Variants in FSIP2 observed in about 807,000 individuals in gnomAD.
FSIP2 encodes fibrous sheath interacting protein 2.
In FSIP2, 367 loss-of-function variants were observed where a neutral mutation model predicts 510.5. The ratio of observed to expected loss-of-function variants is 0.72; its 90% CI spans 0.66 to 0.78. The LOEUF (loss-of-function observed/expected upper bound fraction) is 0.78, where lower values mean the gene tolerates loss of function less well. Ranked by LOEUF, FSIP2 falls within the 30% of genes least tolerant of loss-of-function variation. The pLI is 0.00. For synonymous variants in FSIP2, 2,601 were observed against 2,732.2 expected (o/e 0.95, Z 1.50); for missense variants, 7,594 against 7,901.7 (o/e 0.96, Z 1.48).
At chr2:185,778,166 A>G (rs1220727713) in intron 13 of FSIP2, among the ~76,000 whole-genome samples, 1 of 152,032 alleles carries the variant, frequency 6.6e-6, no homozygotes, top group African/African-American at 2.4e-5. Flanking sequence ...GAGATTGTTG[A>G]AAAGCAGTAT....
Position 185,801,187 on chromosome 2 carries a change from C to T in FSIP2, c.11881C>T (p.Leu3961=), listed in dbSNP as rs181481124. The change falls in exon 17 of 23, where the codon CTA becomes TTA. Residue 3961 remains leucine, a synonymous_variant. Transcript: ENST00000424728. The part of the protein sequence containing the change: ...EMDKVAIHNK[L]HQEGIYAGVY... ...GGATAAGGTAGCCATTCATAATAAG[C>T]TACATCAGGAAGGTATATATGCTGG... The T allele has an allele frequency of 8.5e-5, 130 of 1,534,102 alleles. No homozygotes were observed. In the African/African-American group the frequency reaches 1.7e-3, roughly 20 times the overall value.
chr2:185,806,514 C>T lies in FSIP2; in HGVS notation c.17208C>T (p.Ser5736=), dbSNP rs1334108516. 6.3e-7 allele frequency: 1 copy of T among 1,599,600 alleles called. No individual in the cohort carries two copies. The stretch of plus-strand genomic sequence containing the variant: ...CTGTTACAACAAAAAAAGTATCCTC[C>T]TCAACTAACAAAAATATCTCTGCCA... The part of the protein sequence containing the change: ...AQSVTTKKVS[S]STNKNISAKE... Residue 5736 remains serine, a synonymous_variant, in exon 17 of 23, where the codon TCC becomes TCT. Coordinates refer to ENST00000424728, the MANE Select transcript of FSIP2 (RefSeq NM_173651.4).
chr2:185,807,564 G>T lies in FSIP2; in HGVS notation c.18258G>T (p.Gln6086His). The T allele has an allele frequency of 6.2e-7, 1 of 1,612,226 alleles. No homozygotes were observed. Among genetic ancestry groups the T allele is most frequent in the Non-Finnish European group, 8.5e-7 (1 of 1,179,002 alleles). The change falls in exon 17 of 23, where the codon CAG (glutamine) becomes CAT (histidine). Residue 6086 changes from glutamine to histidine, a missense_variant. Physicochemically the swap from Gln to His is conservative, Grantham distance 24 (BLOSUM62 0). Coordinates refer to ENST00000424728, the MANE Select transcript of FSIP2 (RefSeq NM_173651.4). Reference protein sequence around the residue: ...DDDEIIQLVVQSVYNNLLPQF... With the variant: ...DDDEIIQLVVHSVYNNLLPQF... The stretch of plus-strand genomic sequence containing the variant: ...ATGAAATTATTCAATTAGTGGTTCA[G>T]TCTGTTTATAATAATCTCTTGCCAC...
intron 17 of FSIP2, among the ~76,000 whole-genome samples, chr2:185,810,979 G>A (rs1365723586): frequency 6.6e-6 from 1 of 151,980 alleles, no homozygotes; most frequent in Non-Finnish European, 1.5e-5. Flanking sequence ...ATGCCCTAGA[G>A]TTCTGTGGAG....
chr2:185,807,134 A>C lies in FSIP2; in HGVS notation c.17828A>C (p.Glu5943Ala). ...SIWKNINSNG[E>A]NLARRLTSAV... Reference sequence around the variant, plus strand: ...TGGAAGAATATAAACAGTAATGGAGAAAATTTAGCAAGAAGACTAACTAGT... The same window carrying C: ...TGGAAGAATATAAACAGTAATGGAGCAAATTTAGCAAGAAGACTAACTAGT... The change falls in exon 17 of 23, where the codon GAA becomes GCA. Residue 5943 changes from glutamate to alanine, a missense_variant. Glu to Ala is a moderately radical substitution (Grantham distance 107). Transcript: ENST00000424728. 6.2e-7 allele frequency: 1 copy of C among 1,601,550 alleles called. No homozygotes were observed. The highest frequency in any genetic ancestry group is 8.5e-7 in the Non-Finnish European group (1 of 1,175,872).
At position 185,793,434 on chromosome 2, in the gene FSIP2, G is replaced by A. The variant is rs1203482795; in HGVS notation, c.6298G>A (p.Asp2100Asn). Residue 2100 changes from aspartate to asparagine, a missense_variant, in exon 16 of 23, where the codon GAT becomes AAT. Asp to Asn is a conservative substitution (Grantham distance 23). Transcript: ENST00000424728. ...IQDTIEGILCDIYEKTLFQNN... is the reference protein window; with the variant it reads ...IQDTIEGILCNIYEKTLFQNN... Reference sequence around the variant, plus strand: ...AGATACCATTGAAGGTATCCTATGTGATATTTATGAAAAAACCCTGTTTCA... The same window carrying A: ...AGATACCATTGAAGGTATCCTATGTAATATTTATGAAAAAACCCTGTTTCA... 6.5e-7 allele frequency: 1 copy of A among 1,534,056 alleles called. No homozygotes were observed. The highest frequency in any genetic ancestry group is 1.2e-5 in the South Asian group (1 of 84,008).
Position 185,802,898 on chromosome 2 carries a change from C to G in FSIP2, c.13592C>G (p.Thr4531Ser). The G allele has an allele frequency of 6.7e-7, 1 of 1,497,084 alleles. No homozygotes were observed. Among genetic ancestry groups the G allele is most frequent in the Non-Finnish European group, 8.8e-7 (1 of 1,131,880 alleles). 92.7% of individuals were successfully genotyped at this position (1,497,084 alleles called of 1,614,324 possible). A position where few individuals can be genotyped will look rare whatever the true frequency, so the allele number is the denominator to read the frequency against. Residue 4531 changes from threonine (T) to serine (S), a missense_variant, in exon 17 of 23, where the codon ACC becomes AGC. Transcript: ENST00000424728. ...EIRFSKEEEETKFIYSEDDIQ... is the reference protein window; with the variant it reads ...EIRFSKEEEESKFIYSEDDIQ... ...CGATTTTCAAAAGAGGAAGAAGAAA[C>G]CAAGTTTATTTATTCAGAAGATGAT...
intron 14 of FSIP2, among the ~76,000 whole-genome samples, chr2:185,785,200 A>G (rs1255865935): frequency 1.3e-5 from 2 of 152,102 alleles, no homozygotes; most frequent in Non-Finnish European, 1.5e-5. Context: ...TTGACCTAAG[A>G]AACCAGATCT....
Position 185,795,531 on chromosome 2 carries a change from C to T in FSIP2, c.8395C>T (p.Leu2799Phe). 6.5e-7 allele frequency: 1 copy of T among 1,534,722 alleles called. No homozygotes were observed. Among genetic ancestry groups the T allele is most frequent in the Non-Finnish European group, 8.7e-7 (1 of 1,145,958 alleles). ...GGCTTACCCGATGAAATCCTCACAT[C>T]TCAGACTTTCACAGGGGAATATAGG... ...NLAYPMKSSH[L>F]RLSQGNIGTG... Residue 2799 changes from leucine (L) to phenylalanine (F), a missense_variant, in exon 16 of 23, where the codon CTC becomes TTC. Coordinates refer to ENST00000424728, the MANE Select transcript of FSIP2 (RefSeq NM_173651.4).
Position 185,806,523 on chromosome 2 carries a change from C to T in FSIP2, c.17217C>T (p.Asn5739=), listed in dbSNP as rs575724300. ...CAAAAAAAGTATCCTCCTCAACTAA[C>T]AAAAATATCTCTGCCAAAGAAAAAG... The part of the protein sequence containing the change: ...VTTKKVSSST[N]KNISAKEKEE... The change falls in exon 17 of 23, where the codon AAC becomes AAT. Residue 5739 remains asparagine (N), a synonymous_variant. Transcript: ENST00000424728. The T allele has an allele frequency of 1.4e-5, 23 of 1,597,716 alleles. No homozygotes were observed. Among genetic ancestry groups the T allele is most frequent in the Non-Finnish European group, 1.9e-5 (22 of 1,175,234 alleles).
rs1348323625 is a variant in FSIP2, at chr2:185,790,145, T to A, written c.3009T>A (p.Asp1003Glu). 4.2e-5 allele frequency: 65 copies of A among 1,533,262 alleles called. No individual in the cohort carries two copies. The Admixed American group carries it at 7.5e-4, about 18-fold the overall frequency. The allele number at this position is 1,533,262 out of a possible 1,614,324, so 95.0% of individuals were successfully genotyped here. The change falls in exon 16 of 23, where the codon GAT (aspartate) becomes GAA (glutamate). Residue 1003 changes from aspartate (D) to glutamate (E), a missense_variant. Asp to Glu is a conservative substitution (Grantham distance 45, BLOSUM62 2). Coordinates refer to ENST00000424728, the MANE Select transcript of FSIP2 (RefSeq NM_173651.4). ...CAGGCATGGTTCTTTATTCTGATGA[T>A]GAAAATGAGGAAATAGACAATATTG... is the stretch of plus-strand genomic sequence containing the variant. The part of the protein sequence containing the change: ...NVPGMVLYSD[D>E]ENEEIDNIVK...
rs1250423088 is a variant in FSIP2 at position 185,794,552 on chromosome 2, T to A, written c.7416T>A (p.Asn2472Lys). Residue 2472 changes from asparagine to lysine, a missense_variant, in exon 16 of 23, where the codon AAT becomes AAA. By Grantham distance (94) the Asn-to-Lys change is moderately conservative. Transcript: ENST00000424728. The stretch of plus-strand genomic sequence containing the variant: ...TTTTGGAAGAAATATTTATGAGAAA[T>A]GGAGAATCAAAAAACAAAGAAAAAG... ...IIVLEEIFMR[N>K]GESKNKEKGE... is the part of the protein sequence containing the mutation. The A allele has an allele frequency of 6.5e-7, 1 of 1,530,766 alleles. No individual in the cohort carries two copies. Among genetic ancestry groups the A allele is most frequent in the Non-Finnish European group, 8.7e-7 (1 of 1,144,678 alleles). 94.8% of individuals were successfully genotyped at this position (1,530,766 alleles called of 1,614,324 possible).
Position 185,793,367 on chromosome 2 carries a change from C to T in FSIP2, c.6231C>T (p.Leu2077=). ...AAAAAGGTGTTATTGAAAAGCTGCTCAATGAGACCAAATATCGAAAAGTAC... is the reference window on the plus strand; with the variant it reads ...AAAAAGGTGTTATTGAAAAGCTGCTTAATGAGACCAAATATCGAAAAGTAC... ...DQQKGVIEKL[L]NETKYRKVLQ... The change falls in exon 16 of 23, where the codon CTC becomes CTT. Residue 2077 remains leucine (L), a synonymous_variant. Coordinates refer to ENST00000424728, the MANE Select transcript of FSIP2 (RefSeq NM_173651.4). 1 of 1,533,852 alleles carries T rather than the reference C, an allele frequency of 6.5e-7. No individual in the cohort carries two copies.
At position 185,790,739 on chromosome 2, in the gene FSIP2, C is replaced by T; in HGVS notation, c.3603C>T (p.Ser1201=). 6.5e-7 allele frequency: 1 copy of T among 1,532,860 alleles called. No individual in the cohort carries two copies. The highest frequency in any genetic ancestry group is 8.7e-7 in the Non-Finnish European group (1 of 1,144,638). 95.0% of individuals were successfully genotyped at this position (1,532,860 alleles called of 1,614,324 possible). A position where few individuals can be genotyped will look rare whatever the true frequency, so the allele number is the denominator to read the frequency against. ...SSISSSVHQI[S]LHNSDTEHIV... The stretch of plus-strand genomic sequence containing the variant: ...TTTCATCATCAGTTCATCAGATTTC[C>T]TTACATAATTCTGACACTGAACACA... Residue 1201 remains serine (S), a synonymous_variant, in exon 16 of 23, where the codon TCC becomes TCT. Transcript: ENST00000424728.
chr2:185,763,849 T>C (rs917975705), intron 12 of FSIP2, among the ~76,000 whole-genome samples: 7 of 151,630 alleles, frequency 4.6e-5, no homozygotes, highest in Admixed American at 2.0e-4. Flanking sequence ...TGTCCTAGAA[T>C]GCATAATAAT....
chr2:185,793,872 T>C lies in FSIP2; in HGVS notation c.6736T>C (p.Cys2246Arg). The change falls in exon 16 of 23, where the codon TGT (cysteine) becomes CGT (arginine). Residue 2246 changes from cysteine to arginine, a missense_variant. Physicochemically the swap from Cys to Arg is radical, Grantham distance 180 (BLOSUM62 -3). Transcript: ENST00000424728. ...CACTCAGAAATCTGCTACTGACTCA[T>C]GTGAGGAAAATGCTAACTTCATTAC... ...EDTQKSATDS[C>R]EENANFITKT... 6.5e-7 allele frequency: 1 copy of C among 1,531,490 alleles called. No individual in the cohort carries two copies. The highest frequency in any genetic ancestry group is 8.7e-7 in the Non-Finnish European group (1 of 1,144,410). 94.9% of individuals were successfully genotyped at this position (1,531,490 alleles called of 1,614,324 possible).
At chr2:185,761,191 A>G (rs2105556851) in intron 10 of FSIP2, 88 bp downstream of exon 10, 1 of 488,930 alleles carries the variant, frequency 2.0e-6, no homozygotes, top group East Asian at 3.3e-5. Context: ...CTTCAGCAGC[A>G]TAGTACTGAT....
chr2:185,806,685 G>A lies in FSIP2; in HGVS notation c.17379G>A (p.Glu5793=). ...PAKFLEDVIT[E]MVKQLIFSSI... is the part of the protein sequence containing the mutation. ...AGTTTTTAGAAGATGTTATTACTGA[G>A]ATGGTTAAACAATTGATCTTTTCTT... is the stretch of plus-strand genomic sequence containing the variant. The change falls in exon 17 of 23, where the codon GAG becomes GAA. Residue 5793 remains glutamate, a synonymous_variant. Coordinates refer to ENST00000424728, the MANE Select transcript of FSIP2 (RefSeq NM_173651.4). 6.2e-7 allele frequency: 1 copy of A among 1,602,532 alleles called. No individual in the cohort carries two copies. The highest frequency in any genetic ancestry group is 1.3e-5 in the African/African-American group (1 of 74,150).
At chr2:185,819,078 G>C (rs577369109) in intron 19 of FSIP2, among the ~76,000 whole-genome samples, 1 of 151,902 alleles carries the variant, frequency 6.6e-6, no homozygotes, top group Non-Finnish European at 1.5e-5. Flanking sequence ...CATAAAATGG[G>C]TAGGGGGCAA....
Sources: gnomAD v4.1 joint callset for allele counts (sites outside exome capture counted in the v4.1 genomes callset) on GRCh38, gnomAD v4.1.1 for gene constraint, MANE v1.5 for transcripts, NCBI Gene and HGNC (gene_info 2026-07-23, HGNC 2026-07-21) for gene names.